The following NEMP2 variants were observed in gnomAD, a reference collection of about 807,000 sequenced individuals.
The protein encoded by NEMP2 is UPF0571 transmembrane protein.
Under a neutral mutation model 54.2 loss-of-function variants are expected in NEMP2, and 53 were observed. The observed-to-expected ratio is 0.98, with a 90% CI of 0.78 to 1.23. The LOEUF is 1.23. NEMP2 is among the 50% of genes most tolerant of loss of function. The pLI, the probability that NEMP2 is intolerant of heterozygous loss-of-function variation, is 0.00. For missense variants in NEMP2, 455 were observed against 511.3 expected (o/e 0.89, Z 1.06); for synonymous variants, 197 against 190.3 (o/e 1.04, Z -0.29).
the NEMP2 span, among the ~76,000 whole-genome samples, chr2:190,566,859 C>T: frequency 1.2e-4 from 18 of 152,090 alleles, no homozygotes; most frequent in East Asian, 2.5e-3. Context: ...TTTTCCATAC[C>T]ATACAAAAGT....
chr2:190,522,502 C>A lies in NEMP2; in HGVS notation c.213+2761G>T, dbSNP rs543116832. On this transcript the variant is annotated intron_variant, in intron 2 of 8. Coordinates refer to ENST00000409150, the MANE Select transcript of NEMP2 (RefSeq NM_001142645.2). This position sits in a 1 kb window ranked among gnomAD's most constrained non-coding sequence, Gnocchi z 5.0. ...AATAAAATTCTAACACCCCCGACCC[C>A]GCCAACTATCTGAATGAAACCCTGT... Among the ~76,000 whole-genome samples the A allele has an allele frequency of 6.6e-6, 1 of 152,098 alleles. No individual in the cohort carries two copies. The highest frequency in any genetic ancestry group is 2.4e-5 in the African/African-American group (1 of 41,390).
chr2:190,553,162 A>C, the NEMP2 span: 1 of 152,192 alleles, frequency 6.6e-6, no homozygotes, highest in Non-Finnish European at 1.5e-5. Context: ...GTCTATTTAC[A>C]CAGTGTTTTC....
chr2:190,535,874 T>G (rs1357815394), upstream of NEMP2: 2 of 152,258 alleles, frequency 1.3e-5, no homozygotes, highest in Non-Finnish European at 2.9e-5. Flanking sequence ...CTTTCCTGTA[T>G]TCCCAGGTGC....
the NEMP2 span, among the ~76,000 whole-genome samples, chr2:190,544,515 A>T: frequency 6.6e-6 from 1 of 152,204 alleles, no homozygotes; most frequent in Non-Finnish European, 1.5e-5. Context: ...TGAGAGTCCC[A>T]TCTCTAAAGA....
chr2:190,449,878 G>T, the NEMP2 span, among the ~76,000 whole-genome samples: 70 of 151,942 alleles, frequency 4.6e-4, 1 homozygote, highest in South Asian at 6.9e-3. Context: ...GTGGGGGAAG[G>T]GGGGAGGAAT....
chr2:190,643,023 GTTTTT>G, the NEMP2 span, among the ~76,000 whole-genome samples: 6 of 79,568 alleles, frequency 7.5e-5, no homozygotes, highest in South Asian at 6.3e-4. Context: ...AATGGTTAAG[GTTTTT>G]TTTTTTTTTT....
chr2:190,481,864 T>C, the NEMP2 span, among the ~76,000 whole-genome samples: 1 of 152,236 alleles, frequency 6.6e-6, no homozygotes, highest in Non-Finnish European at 1.5e-5. Flanking sequence ...TTGCTCTTTG[T>C]AGGATCCTCC....
rs1203460527 is a variant in NEMP2, at chr2:190,522,089, G to A, written c.214-2906C>T. On this transcript the variant is annotated intron_variant, in intron 2 of 8. Transcript: ENST00000409150. This position sits in a 1 kb window ranked among gnomAD's most constrained non-coding sequence, Gnocchi z 5.0. ...GGATAGGAATTAATAGAGGGAGGAG[G>A]GAAAGTGACACTTATCTGAAAATAC... is the stretch of plus-strand genomic sequence containing the variant. 1.3e-5 allele frequency among the ~76,000 whole-genome samples: 2 copies of A among 152,078 alleles called. No individual in the cohort carries two copies. Among genetic ancestry groups the A allele is most frequent in the Admixed American group, 6.5e-5 (1 of 15,268 alleles).
the NEMP2 span, among the ~76,000 whole-genome samples, chr2:190,602,558 C>CA: frequency 6.6e-6 from 1 of 152,212 alleles, no homozygotes; most frequent in East Asian, 1.9e-4. Context: ...AGTTGACACT[C>CA]AGAGTTAACC....
At chr2:190,503,093 T>C (rs1019342537), downstream of NEMP2, among the ~76,000 whole-genome samples, 3 of 152,232 alleles carry the variant, frequency 2.0e-5, no homozygotes, top group Admixed American at 6.5e-5. This position sits in a 1 kb window ranked among gnomAD's most constrained non-coding sequence, Gnocchi z 6.3. Context: ...ATGTGTGTGG[T>C]TGTATTTCCA....
At position 190,533,110 on chromosome 2, in the gene NEMP2, C is replaced by T. The variant is rs1691210610; in HGVS notation, c.97+1449G>A. Among the ~76,000 whole-genome samples the T allele has an allele frequency of 6.6e-6, 1 of 152,186 alleles. No individual in the cohort carries two copies. The highest frequency in any genetic ancestry group is 2.4e-5 in the African/African-American group (1 of 41,442). ...ACTGAGGTGAGGAAAATACTGGAAA[C>T]TCTTCAGTAAAAACATCTTCATTTT... is the stretch of plus-strand genomic sequence containing the variant. On this transcript the variant is annotated intron_variant, in intron 1 of 8. Coordinates refer to ENST00000409150, the MANE Select transcript of NEMP2 (RefSeq NM_001142645.2). This position sits in a 1 kb window ranked among gnomAD's most constrained non-coding sequence, Gnocchi z 4.3.
Position 190,530,663 on chromosome 2 carries a change from G to A in NEMP2, c.97+3896C>T, listed in dbSNP as rs576559390. 6.6e-5 allele frequency among the ~76,000 whole-genome samples: 10 copies of A among 152,216 alleles called. No individual in the cohort carries two copies. In the South Asian group the frequency reaches 1.7e-3, roughly 25 times the overall value. On this transcript the variant is annotated intron_variant, in intron 1 of 8. Transcript: ENST00000409150. The surrounding 1 kb of genome is among the most constrained non-coding windows in gnomAD (Gnocchi z 4.6). ...TTCTTCTAGAGCCATTTCACTGCTC[G>A]GTTTCAATCATGTCCAATGGAAACA...
chr2:190,469,771 G>A, the NEMP2 span: 2 of 1,585,808 alleles, frequency 1.3e-6, no homozygotes, highest in Non-Finnish European at 1.7e-6. This position sits in a 1 kb window ranked among gnomAD's most constrained non-coding sequence, Gnocchi z 5.3. Context: ...TCTGTACATT[G>A]GCCTGGCCTG....
chr2:190,482,039 G>A, the NEMP2 span, among the ~76,000 whole-genome samples: 3 of 144,278 alleles, frequency 2.1e-5, no homozygotes, highest in East Asian at 4.2e-4. Flanking sequence ...TCTGGCCAGC[G>A]GAATAAAAGC....
downstream of NEMP2, chr2:190,500,046 C>T (rs1559148221): frequency 8.1e-6 from 13 of 1,614,198 alleles, no homozygotes; most frequent in Non-Finnish European, 1.0e-5. This position sits in a 1 kb window ranked among gnomAD's most constrained non-coding sequence, Gnocchi z 5.3. Context: ...AATTCTCCTG[C>T]TGGTAGAGCC....
At chr2:190,633,992 A>C in the NEMP2 span, among the ~76,000 whole-genome samples, 1 of 152,164 alleles carries the variant, frequency 6.6e-6, no homozygotes, top group African/African-American at 2.4e-5. Context: ...AAATCGCTTG[A>C]ACCCAGGAGT....
chr2:190,508,895 C>A lies in NEMP2; in HGVS notation c.*294G>T. 1 of 363,694 alleles carries A rather than the reference C, an allele frequency of 2.7e-6. No individual in the cohort carries two copies. Among genetic ancestry groups the A allele is most frequent in the South Asian group, 3.6e-5 (1 of 27,640 alleles). 22.5% of individuals were successfully genotyped at this position (363,694 alleles called of 1,614,324 possible). On this transcript the variant is annotated 3_prime_UTR_variant, in exon 9 of 9. Coordinates refer to ENST00000409150, the MANE Select transcript of NEMP2 (RefSeq NM_001142645.2). This position sits in a 1 kb window ranked among gnomAD's most constrained non-coding sequence, Gnocchi z 4.3. Reference sequence around the variant, plus strand: ...CAAAGCACCTGTTCATGCTTACTAGCCCCTTAAGAACAACGCCATTCCCCT... The same window carrying A: ...CAAAGCACCTGTTCATGCTTACTAGACCCTTAAGAACAACGCCATTCCCCT...
the NEMP2 span, among the ~76,000 whole-genome samples, chr2:190,422,566 A>G: frequency 7.2e-5 from 11 of 152,210 alleles, no homozygotes; most frequent in African/African-American, 2.7e-4. Flanking sequence ...TTGTTGAGAT[A>G]TCTGAAGCCA....
At chr2:190,425,949 T>C in the NEMP2 span, among the ~76,000 whole-genome samples, 1 of 152,316 alleles carries the variant, frequency 6.6e-6, no homozygotes, top group South Asian at 2.1e-4. This position sits in a 1 kb window ranked among gnomAD's most constrained non-coding sequence, Gnocchi z 4.3. Context: ...TTTTCTCCCA[T>C]TGGTAAGTTG....
Sources: gnomAD v4.1 joint callset for allele counts (sites outside exome capture counted in the v4.1 genomes callset) on GRCh38, gnomAD v4.1.1 for gene constraint, Gnocchi (gnomAD v3.1) non-coding constraint, MANE v1.5 for transcripts, NCBI Gene and HGNC (gene_info 2026-07-23, HGNC 2026-07-21) for gene names.